Variants in SIK3 observed in about 807,000 individuals in gnomAD.
SIK3 encodes the protein serine/threonine-protein kinase SIK3.
Under a neutral mutation model 144.2 loss-of-function variants are expected in SIK3, and 28 were observed. The ratio of observed to expected loss-of-function variants is 0.19; its 90% CI spans 0.14 to 0.27. The LOEUF (loss-of-function observed/expected upper bound fraction) is 0.27, where lower values mean the gene tolerates loss of function less well. SIK3 is among the 10% of genes least tolerant of loss of function. The pLI, the probability that SIK3 is intolerant of heterozygous loss-of-function variation, is 1.00. For synonymous variants in SIK3, 686 were observed against 676.3 expected (o/e 1.01, Z -0.22); for missense variants, 1,319 against 1,776.0 (o/e 0.74, Z 4.62).
chr11:117,001,231 T>C (rs1950838111), intron 1 of SIK3, among the ~76,000 whole-genome samples: 1 of 152,224 alleles, frequency 6.6e-6, no homozygotes, highest in Non-Finnish European at 1.5e-5. Context: ...TGAGGCCAGG[T>C]GCAGTGGCTC....
intron 6 of SIK3, among the ~76,000 whole-genome samples, chr11:116,882,409 T>TA (rs1349264598): frequency 6.6e-6 from 1 of 152,050 alleles, no homozygotes; most frequent in Non-Finnish European, 1.5e-5. Context: ...AGGAGATAGG[T>TA]AAAAATTTAA....
chr11:116,892,988 A>T (rs778496116), intron 6 of SIK3, among the ~76,000 whole-genome samples: 2 of 152,212 alleles, frequency 1.3e-5, no homozygotes, highest in Non-Finnish European at 2.9e-5. Context: ...GTTTCTACCC[A>T]TATGACATTC....
chr11:117,025,657 T>A (rs1951976272), intron 1 of SIK3, among the ~76,000 whole-genome samples: 1 of 152,114 alleles, frequency 6.6e-6, no homozygotes, highest in Non-Finnish European at 1.5e-5. Flanking sequence ...CTTGAACTCC[T>A]AATCACTCAA....
intron 1 of SIK3, among the ~76,000 whole-genome samples, chr11:117,058,216 G>T (rs898072462): frequency 6.6e-6 from 1 of 152,068 alleles, no homozygotes; most frequent in Admixed American, 6.6e-5. Context: ...GAAAGATCCT[G>T]TTAAACTTAA....
At chr11:117,071,996 G>T (rs1364796491) in intron 1 of SIK3, among the ~76,000 whole-genome samples, 1 of 151,872 alleles carries the variant, frequency 6.6e-6, no homozygotes, top group Non-Finnish European at 1.5e-5. Context: ...AACACACACT[G>T]GTGAAAAATA....
intron 4 of SIK3, among the ~76,000 whole-genome samples, chr11:116,897,891 A>G (rs1210386989): frequency 6.6e-6 from 1 of 152,166 alleles, no homozygotes. Flanking sequence ...TCCAAAAAAA[A>G]AAAAGAATGC....
At chr11:116,943,712 C>T (rs543889932) in intron 3 of SIK3, among the ~76,000 whole-genome samples, 33 of 152,178 alleles carry the variant, frequency 2.2e-4, no homozygotes, top group South Asian at 1.7e-3. Context: ...TCTTTCTCTC[C>T]GGTGACCTAG....
At position 116,881,457 on chromosome 11, in the gene SIK3, G is replaced by C. The variant is rs116537510; in HGVS notation, c.866-4415C>G. Among the ~76,000 whole-genome samples, 1,059 of 152,330 alleles carry C rather than the reference G, an allele frequency of 7.0e-3. 11 individuals are homozygous for C. The highest frequency in any genetic ancestry group is 0.024 in the African/African-American group (981 of 41,574). ...GCATTTGGATGACTTTGTGGGGAGAGAGCTGCTGTATGGGCAGGGTCCTAA... is the reference window on the plus strand; with the variant it reads ...GCATTTGGATGACTTTGTGGGGAGACAGCTGCTGTATGGGCAGGGTCCTAA... On this transcript the variant is annotated intron_variant, in intron 6 of 24. Coordinates refer to ENST00000445177, the MANE Select transcript of SIK3 (RefSeq NM_001366686.3).
At chr11:117,009,593 C>T (rs182015819) in intron 1 of SIK3, among the ~76,000 whole-genome samples, 93 of 151,930 alleles carry the variant, frequency 6.1e-4, no homozygotes, top group South Asian at 1.2e-3. Flanking sequence ...AACTCTGACG[C>T]AAAAGTCAAG....
At chr11:117,045,934 C>T (rs924783036) in intron 1 of SIK3, among the ~76,000 whole-genome samples, 4 of 152,162 alleles carry the variant, frequency 2.6e-5, no homozygotes, top group African/African-American at 4.8e-5. Flanking sequence ...AGTTCAAATG[C>T]GTTAAATGAT....
chr11:116,851,028 A>G (rs1420855354), intron 21 of SIK3, among the ~76,000 whole-genome samples: 3 of 152,202 alleles, frequency 2.0e-5, no homozygotes. Context: ...TAATAAAAAT[A>G]AATACTCTCT....
chr11:116,948,324 C>A (rs1284662440), intron 3 of SIK3, among the ~76,000 whole-genome samples: 1 of 152,006 alleles, frequency 6.6e-6, no homozygotes, highest in Non-Finnish European at 1.5e-5. Context: ...GTTGCCCAGG[C>A]TGAAATGCAT....
At position 116,953,943 on chromosome 11, in the gene SIK3, T is replaced by A. The variant is rs1591417089; in HGVS notation, c.454+101A>T. The A allele has an allele frequency of 4.9e-6, 4 of 814,362 alleles. No individual in the cohort carries two copies. In the East Asian group the frequency reaches 1.1e-4, roughly 22 times the overall value. The allele number at this position is 814,362 out of a possible 1,614,324, so 50.4% of individuals were successfully genotyped here. A position where few individuals can be genotyped will look rare whatever the true frequency, so the allele number is the denominator to read the frequency against. On this transcript the variant is annotated intron_variant, in intron 3 of 24. Transcript: ENST00000445177. ...AAAATGGCAGGATTGAAGAACAGCA[T>A]CAAGTGACTGCTGCTCAAGTGACAA...
intron 1 of SIK3, among the ~76,000 whole-genome samples, chr11:117,039,836 C>A (rs1952665331): frequency 6.6e-6 from 1 of 152,060 alleles, no homozygotes. Flanking sequence ...AAGAAACTTG[C>A]CCAAACTGCT....
chr11:116,917,423 T>G (rs994374835), intron 4 of SIK3, among the ~76,000 whole-genome samples: 1 of 152,124 alleles, frequency 6.6e-6, no homozygotes, highest in Non-Finnish European at 1.5e-5. Context: ...AAACTACAGG[T>G]AAGAGGCTGG....
intron 3 of SIK3, among the ~76,000 whole-genome samples, chr11:116,940,132 T>C (rs1948205733): frequency 6.6e-6 from 1 of 152,342 alleles, no homozygotes; most frequent in South Asian, 2.1e-4. Flanking sequence ...GCTGGGCTGT[T>C]TGTAGACACT....
At chr11:117,031,473 G>T (rs1371599887) in intron 1 of SIK3, among the ~76,000 whole-genome samples, 1 of 148,984 alleles carries the variant, frequency 6.7e-6, no homozygotes, top group Non-Finnish European at 1.5e-5. Flanking sequence ...AAAATCAGTT[G>T]GGCAATGGCC....
chr11:116,954,539 C>T (rs1006001062), intron 2 of SIK3, among the ~76,000 whole-genome samples: 3 of 150,664 alleles, frequency 2.0e-5, no homozygotes, highest in Non-Finnish European at 3.0e-5. Flanking sequence ...CACATAAGAA[C>T]GCCACAGAAA....
At chr11:116,919,568 C>G (rs1000344736) in intron 4 of SIK3, among the ~76,000 whole-genome samples, 1 of 152,184 alleles carries the variant, frequency 6.6e-6, no homozygotes, top group Admixed American at 6.5e-5. Context: ...TCAGAACATT[C>G]TTATAACGTC....
Sources: gnomAD v4.1 joint callset for allele counts (sites outside exome capture counted in the v4.1 genomes callset) on GRCh38, gnomAD v4.1.1 for gene constraint, MANE v1.5 for transcripts, NCBI Gene and HGNC (gene_info 2026-07-23, HGNC 2026-07-21) for gene names.